The following C4orf54 variants were observed in gnomAD, a reference collection of about 807,000 sequenced individuals.
C4orf54 encodes the protein chromosome 4 open reading frame 54.
In C4orf54, 67 loss-of-function variants were observed where a neutral mutation model predicts 80.1. The ratio of observed to expected loss-of-function variants is 0.84; its 90% confidence interval spans 0.69 to 1.03. The LOEUF (loss-of-function observed/expected upper bound fraction) is 1.03. C4orf54 is among the 50% of genes least tolerant of loss of function. The pLI is 0.00. For synonymous variants in C4orf54, 1,000 were observed against 917.0 expected, an observed-to-expected ratio of 1.09 and a Z score of -1.64; for missense variants, 2,434 against 2,253.5, an observed-to-expected ratio of 1.08 and a Z score of -1.62.
rs1280827670 is a variant in C4orf54 at position 99,652,090 on chromosome 4, C to T, written c.2559G>A (p.Gly853=). Reference sequence around the variant, plus strand: ...GGCCCCTCTCTCGCTGCCTCTCGCTCCCGCGGGCGCCCTCCGTCTCCTTGG... The same window carrying T: ...GGCCCCTCTCTCGCTGCCTCTCGCTTCCGCGGGCGCCCTCCGTCTCCTTGG... ...GTSKETEGAR[G]SERQRERGLQ... is the part of the protein sequence containing the mutation. The change falls in exon 2 of 3, where the codon GGG becomes GGA. Residue 853 remains glycine (G), a synonymous_variant. Coordinates refer to ENST00000511828, the MANE Select transcript of C4orf54 (RefSeq NM_001354435.2). 1 of 1,536,072 alleles carries T rather than the reference C, an allele frequency of 6.5e-7. No homozygotes were observed. The highest frequency in any genetic ancestry group is 2.0e-5 in the Admixed American group (1 of 51,006).
chr4:99,643,792 A>ACACACACACACACACACCC (rs61130907), intron 2 of C4orf54, among the ~76,000 whole-genome samples: 2 of 98,864 alleles, frequency 2.0e-5, no homozygotes, highest in African/African-American at 4.5e-5. Context: ...ACACACACAC[A>ACACACACACACACACACCC]CCCCCTCCGC....
chr4:99,655,484 G>A (rs757535723), intron 1 of C4orf54, among the ~76,000 whole-genome samples: 4 of 152,226 alleles, frequency 2.6e-5, no homozygotes, highest in Non-Finnish European at 4.4e-5. Flanking sequence ...GCAGGGCACT[G>A]AGTCAAAAAG....
rs1396338145 is a variant in C4orf54 at position 99,652,682 on chromosome 4, A to G, written c.1967T>C (p.Val656Ala). ...SRESSTTLSE[V>A]GFGRWSTFLD... Reference sequence around the variant, plus strand: ...GAAAGTTGACCAGCGCCCAAAGCCCACTTCGGAGAGCGTGGTGGAGGACTC... The same window carrying G: ...GAAAGTTGACCAGCGCCCAAAGCCCGCTTCGGAGAGCGTGGTGGAGGACTC... Residue 656 changes from valine (V) to alanine (A), a missense_variant, in exon 2 of 3, where the codon GTG becomes GCG. By Grantham distance (64) the Val-to-Ala change is moderately conservative. Coordinates refer to ENST00000511828, the MANE Select transcript of C4orf54 (RefSeq NM_001354435.2). 2 of 1,536,092 alleles carry G rather than the reference A, an allele frequency of 1.3e-6. No individual in the cohort carries two copies. The highest frequency in any genetic ancestry group is 1.2e-5 in the South Asian group (1 of 84,064).
rs753181667 is a variant in C4orf54, at chr4:99,654,585, C to A, written c.64G>T (p.Asp22Tyr). 1 of 702,788 alleles carries A rather than the reference C, an allele frequency of 1.4e-6. No homozygotes were observed. The allele number at this position is 702,788 out of a possible 1,614,324, so 43.5% of individuals were successfully genotyped here. The change falls in exon 2 of 3, where the codon GAT becomes TAT. Residue 22 changes from aspartate (D) to tyrosine (Y), a missense_variant. Asp to Tyr is a radical substitution (Grantham distance 160). Coordinates refer to ENST00000511828, the MANE Select transcript of C4orf54 (RefSeq NM_001354435.2). ...QPTDAASSVADGIQTPRCCRR... is the reference protein window; with the variant it reads ...QPTDAASSVAYGIQTPRCCRR... ...CAGCAGCGAGGAGTCTGAATGCCAT[C>A]GGCCACGGAAGAAGCAGCATCTGTA...
rs922992132 is a variant in C4orf54 at position 99,650,102 on chromosome 4, G to A, written c.4547C>T (p.Pro1516Leu). Residue 1516 changes from proline to leucine, a missense_variant, in exon 2 of 3, where the codon CCC becomes CTC. Coordinates refer to ENST00000511828, the MANE Select transcript of C4orf54 (RefSeq NM_001354435.2). ...LPPLSARSQV[P>L]SSSKGSQVSG... The stretch of plus-strand genomic sequence containing the variant: ...AACCTGAGAGCCTTTGGAGCTACTG[G>A]GGACCTGACTGCGGGCACTCAGCGG... 2 of 1,535,932 alleles carry A rather than the reference G, an allele frequency of 1.3e-6. No homozygotes were observed. The highest frequency in any genetic ancestry group is 1.7e-6 in the Non-Finnish European group (2 of 1,146,866).
Position 99,649,512 on chromosome 4 carries a change from G to T in C4orf54, c.5137C>A (p.Pro1713Thr), listed in dbSNP as rs940027959. ...GSELSPMVAE[P>T]SSKEAAATFT... ...GTTGCAGCTGCCTCTTTGCTGGAAG[G>T]TTCTGCCACCATTGGGGAGAGCTCA... Residue 1713 changes from proline to threonine, a missense_variant, in exon 2 of 3, where the codon CCT (proline) becomes ACT (threonine). Coordinates refer to ENST00000511828, the MANE Select transcript of C4orf54 (RefSeq NM_001354435.2). The T allele has an allele frequency of 4.5e-5, 69 of 1,536,068 alleles. No individual in the cohort carries two copies. The highest frequency in any genetic ancestry group is 1.4e-4 in the African/African-American group (10 of 73,046).
intron 2 of C4orf54, among the ~76,000 whole-genome samples, chr4:99,642,772 G>A (rs941509243): frequency 2.0e-5 from 3 of 152,166 alleles, no homozygotes; most frequent in Non-Finnish European, 2.9e-5. Context: ...GACTTCCCAC[G>A]GTTTTAGGAC....
In C4orf54 at chr4:99,650,746, C is replaced by T. The variant is rs1337367427; in HGVS notation, c.3903G>A (p.Gly1301=). The stretch of plus-strand genomic sequence containing the variant: ...CGTGGTCTCCATCAGCAACCACTAC[C>T]CCTTCCCTCTCCTCACTGGCAATGA... The part of the protein sequence containing the change: ...LSLIASEERE[G]VVVADGDHDK... The change falls in exon 2 of 3, where the codon GGG becomes GGA. Residue 1301 remains glycine (G), a synonymous_variant. Coordinates refer to ENST00000511828, the MANE Select transcript of C4orf54 (RefSeq NM_001354435.2). The T allele has an allele frequency of 1.3e-6, 2 of 1,536,200 alleles. No homozygotes were observed. The highest frequency in any genetic ancestry group is 2.4e-5 in the East Asian group (1 of 40,910).
At chr4:99,645,399 A>C (rs1476267500) in intron 2 of C4orf54, among the ~76,000 whole-genome samples, 1 of 137,104 alleles carries the variant, frequency 7.3e-6, no homozygotes, top group Non-Finnish European at 1.5e-5. Flanking sequence ...TGAAGAAACA[A>C]AGGCTTACAG....
In C4orf54 at chr4:99,650,938, C is replaced by T; in HGVS notation, c.3711G>A (p.Glu1237=). ...CTTTCCCTTCCTCCTTGACCTCCTC[C>T]TCCTTGAGCTTCTCTGGGGTCTTCT... ...STQKTPEKLK[E]EEVKEEGKAT... Residue 1237 remains glutamate (E), a synonymous_variant, in exon 2 of 3, where the codon GAG becomes GAA. Coordinates refer to ENST00000511828, the MANE Select transcript of C4orf54 (RefSeq NM_001354435.2). 6.5e-7 allele frequency: 1 copy of T among 1,536,206 alleles called. No homozygotes were observed.
Position 99,652,055 on chromosome 4 carries a change from T to A in C4orf54, c.2594A>T (p.Gln865Leu). 1 of 1,536,118 alleles carries A rather than the reference T, an allele frequency of 6.5e-7. No individual in the cohort carries two copies. The highest frequency in any genetic ancestry group is 8.7e-7 in the Non-Finnish European group (1 of 1,146,884). The change falls in exon 2 of 3, where the codon CAG becomes CTG. Residue 865 changes from glutamine to leucine, a missense_variant. By Grantham distance (113) the Gln-to-Leu change is moderately radical. Coordinates refer to ENST00000511828, the MANE Select transcript of C4orf54 (RefSeq NM_001354435.2). Reference sequence around the variant, plus strand: ...GCCGGCCTCGGAGTGACGAGAGCTCTGCCTCTGCAGGCCCCTCTCTCGCTG... The same window carrying A: ...GCCGGCCTCGGAGTGACGAGAGCTCAGCCTCTGCAGGCCCCTCTCTCGCTG... ...ERQRERGLQR[Q>L]SSRHSEAGSE...
Position 99,650,107 on chromosome 4 carries a change from C to A in C4orf54, c.4542G>T (p.Gln1514His). 2.0e-6 allele frequency: 3 copies of A among 1,535,880 alleles called. No individual in the cohort carries two copies. Among genetic ancestry groups the A allele is most frequent in the Non-Finnish European group, 2.6e-6 (3 of 1,146,854 alleles). Reference sequence around the variant, plus strand: ...GAGAGCCTTTGGAGCTACTGGGGACCTGACTGCGGGCACTCAGCGGGGGTA... The same window carrying A: ...GAGAGCCTTTGGAGCTACTGGGGACATGACTGCGGGCACTCAGCGGGGGTA... ...CSLPPLSARSQVPSSSKGSQV... is the reference protein window; with the variant it reads ...CSLPPLSARSHVPSSSKGSQV... Residue 1514 changes from glutamine (Q) to histidine (H), a missense_variant, in exon 2 of 3, where the codon CAG becomes CAT. By Grantham distance (24) the Gln-to-His change is conservative (BLOSUM62 0). Coordinates refer to ENST00000511828, the MANE Select transcript of C4orf54 (RefSeq NM_001354435.2).
In C4orf54 at chr4:99,651,862, T is replaced by C; in HGVS notation, c.2787A>G (p.Ser929=). 6.5e-7 allele frequency: 1 copy of C among 1,536,164 alleles called. No individual in the cohort carries two copies. Among genetic ancestry groups the C allele is most frequent in the Non-Finnish European group, 8.7e-7 (1 of 1,146,916 alleles). The part of the protein sequence containing the change: ...TEVCEIKKSA[S]ETVKGIFLRS... ...GGAGGAAGATGCCCTTGACGGTCTC[T>C]GAGGCACTCTTTTTAATTTCACACA... The change falls in exon 2 of 3, where the codon TCA becomes TCG. Residue 929 remains serine (S), a synonymous_variant. Transcript: ENST00000511828.
In C4orf54 at chr4:99,650,811, C is replaced by T. The variant is rs759528068; in HGVS notation, c.3838G>A (p.Asp1280Asn). The T allele has an allele frequency of 6.1e-5, 94 of 1,536,046 alleles. No homozygotes were observed. Among genetic ancestry groups the T allele is most frequent in the Non-Finnish European group, 7.9e-5 (91 of 1,146,920 alleles). The stretch of plus-strand genomic sequence containing the variant: ...CTGTCCATCATCATAGGCAAGGGGT[C>T]GCTTTTGCGCTTCCACTCGTTCCTG... ...FNRNEWKRKS[D>N]PLPMMMDSHV... Residue 1280 changes from aspartate (D) to asparagine (N), a missense_variant, in exon 2 of 3, where the codon GAC (aspartate) becomes AAC (asparagine). By Grantham distance (23) the Asp-to-Asn change is conservative. Transcript: ENST00000511828.
chr4:99,653,089 G>C lies in C4orf54; in HGVS notation c.1560C>G (p.Leu520=). The stretch of plus-strand genomic sequence containing the variant: ...CCCGGGAAGCCGGTTTGATTGATAG[G>C]AGGATCTGGCTTGCTGCACTCCCAC... ...SSCGSAASQI[L]LSIKPASRAI... is the part of the protein sequence containing the mutation. The change falls in exon 2 of 3, where the codon CTC becomes CTG. Residue 520 remains leucine, a synonymous_variant. Coordinates refer to ENST00000511828, the MANE Select transcript of C4orf54 (RefSeq NM_001354435.2). 1 of 1,536,272 alleles carries C rather than the reference G, an allele frequency of 6.5e-7. No individual in the cohort carries two copies. The highest frequency in any genetic ancestry group is 8.7e-7 in the Non-Finnish European group (1 of 1,146,910).
In C4orf54 at chr4:99,652,742, T is replaced by A; in HGVS notation, c.1907A>T (p.Tyr636Phe). 6.5e-7 allele frequency: 1 copy of A among 1,535,966 alleles called. No individual in the cohort carries two copies. Among genetic ancestry groups the A allele is most frequent in the Non-Finnish European group, 8.7e-7 (1 of 1,146,874 alleles). The change falls in exon 2 of 3, where the codon TAC becomes TTC. Residue 636 changes from tyrosine (Y) to phenylalanine (F), a missense_variant. Tyr to Phe is a conservative substitution (Grantham distance 22). Coordinates refer to ENST00000511828, the MANE Select transcript of C4orf54 (RefSeq NM_001354435.2). Reference protein sequence around the residue: ...LTSRAFRSLAYPYFEALNISS... With the variant: ...LTSRAFRSLAFPYFEALNISS... ...GATGTTCAGAGCCTCAAAGTAGGGG[T>A]AAGCCAGGCTCCGGAAGGCCCGGGA... is the stretch of plus-strand genomic sequence containing the variant.
chr4:99,641,923 C>T (rs529795011), intron 2 of C4orf54, among the ~76,000 whole-genome samples: 1 of 152,052 alleles, frequency 6.6e-6, no homozygotes, highest in Admixed American at 6.5e-5. Flanking sequence ...ATTAAGAAGG[C>T]TCATGTGAAA....
Position 99,654,105 on chromosome 4 carries a change from G to C in C4orf54, c.544C>G (p.Pro182Ala), listed in dbSNP as rs544780947. 6 of 1,536,032 alleles carry C rather than the reference G, an allele frequency of 3.9e-6. No individual in the cohort carries two copies. Among genetic ancestry groups the C allele is most frequent in the Non-Finnish European group, 4.4e-6 (5 of 1,146,922 alleles). ...CGCTGGGAGGAGGCTGAAGGCTTGG[G>C]AAGTGGCCACAGCTGCTGCTTGAGC... ...QELKQQLWPL[P>A]KPSASSQREA... Residue 182 changes from proline (P) to alanine (A), a missense_variant, in exon 2 of 3, where the codon CCC becomes GCC. Coordinates refer to ENST00000511828, the MANE Select transcript of C4orf54 (RefSeq NM_001354435.2).
chr4:99,644,185 T>C lies in C4orf54; in HGVS notation c.*37-2989A>G, dbSNP rs568276085. Among the ~76,000 whole-genome samples the C allele has an allele frequency of 3.9e-5, 6 of 152,336 alleles. No homozygotes were observed. The East Asian group carries it at 1.2e-3, about 29-fold the overall frequency. The stretch of plus-strand genomic sequence containing the variant: ...TAGGTGTTGATCTGGGATAAGTTAA[T>C]GTTTAATTTGTCAAACAGAGATTAA... On this transcript the variant is annotated intron_variant, in intron 2 of 2. Coordinates refer to ENST00000511828, the MANE Select transcript of C4orf54 (RefSeq NM_001354435.2).
Sources: allele counts gnomAD v4.1 joint callset (sites outside exome capture counted in the v4.1 genomes callset), GRCh38; gene constraint gnomAD v4.1.1; transcripts MANE v1.5; gene names NCBI Gene and HGNC (gene_info 2026-07-23, HGNC 2026-07-21).